NSL1: variants seen among roughly 807,000 people sequenced by gnomAD.
NSL1 encodes the protein kinetochore-associated protein NSL1 homolog.
NSL1 carries 11 observed loss-of-function variants against 25.4 expected under a neutral mutation model. The observed-to-expected ratio is 0.43, with a 90% CI of 0.27 to 0.72. NSL1 has a LOEUF of 0.72. Ranked by LOEUF, NSL1 falls within the 30% of genes least tolerant of loss-of-function variation. The pLI is 0.19. For synonymous variants in NSL1, 118 were observed against 120.6 expected, an observed-to-expected ratio of 0.98 and a Z score of 0.14; for missense variants, 330 against 342.7, an observed-to-expected ratio of 0.96 and a Z score of 0.29.
chr1:212,738,910 G>A (rs890766294), intron 5 of NSL1, among the ~76,000 whole-genome samples: 3 of 151,968 alleles, frequency 2.0e-5, no homozygotes, highest in East Asian at 3.9e-4. Flanking sequence ...CTACAGGCGC[G>A]CACCACCACA....
chr1:212,772,037 G>A (rs530968876), intron 4 of NSL1, among the ~76,000 whole-genome samples: 1 of 152,276 alleles, frequency 6.6e-6, no homozygotes, highest in East Asian at 1.9e-4. Context: ...GGTTTTATAA[G>A]GGAAAACCCC....
chr1:212,766,963 C>T (rs1018006737), intron 4 of NSL1, among the ~76,000 whole-genome samples: 3 of 152,188 alleles, frequency 2.0e-5, no homozygotes, highest in Non-Finnish European at 4.4e-5. Flanking sequence ...ATGGAAAACA[C>T]ATCCCATGTT....
intron 4 of NSL1, among the ~76,000 whole-genome samples, chr1:212,764,399 G>A (rs1172697956): frequency 2.6e-5 from 4 of 152,044 alleles, no homozygotes; most frequent in South Asian, 2.1e-4. Context: ...CCAAACCCAG[G>A]AGAAGAAGTA....
intron 4 of NSL1, among the ~76,000 whole-genome samples, chr1:212,778,961 T>C (rs1660526450): frequency 6.7e-6 from 1 of 150,318 alleles, no homozygotes; most frequent in South Asian, 2.1e-4. Flanking sequence ...GAGGAGCGCC[T>C]CTTCCCGGCC....
intron 4 of NSL1, among the ~76,000 whole-genome samples, chr1:212,741,467 G>T (rs1349048529): frequency 1.3e-5 from 2 of 152,158 alleles, no homozygotes; most frequent in Non-Finnish European, 2.9e-5. Flanking sequence ...TTCCCCCTTG[G>T]TACTGTGTTA....
chr1:212,748,060 C>G (rs973298300), intron 4 of NSL1, among the ~76,000 whole-genome samples: 1 of 152,194 alleles, frequency 6.6e-6, no homozygotes, highest in Non-Finnish European at 1.5e-5. Flanking sequence ...GCCACTGTGA[C>G]CAGCCTTACT....
chr1:212,750,738 G>A (rs1343765907), intron 4 of NSL1, among the ~76,000 whole-genome samples: 4 of 152,110 alleles, frequency 2.6e-5, no homozygotes, highest in Admixed American at 6.5e-5. Context: ...TCAGGAGTTC[G>A]AGACTAGCCT....
chr1:212,771,587 TAG>T (rs375061791), intron 4 of NSL1, among the ~76,000 whole-genome samples: 2,937 of 72,140 alleles, frequency 0.041, 50 homozygotes, highest in Middle Eastern at 0.11. Flanking sequence ...TGTTCTTACA[TAG>T]AGAAAAACCT....
At chr1:212,780,031 T>C (rs1244657770) in intron 4 of NSL1, among the ~76,000 whole-genome samples, 1 of 151,936 alleles carries the variant, frequency 6.6e-6, no homozygotes, top group African/African-American at 2.4e-5. Context: ...GAACGGGCCA[T>C]GATGACAATG....
Position 212,732,737 on chromosome 1 carries a change from T to G in NSL1, c.*5671A>C. ...TGCTTTTTTGGTTTACCCTTTGGAA[T>G]AGAGCACAGCCCCTGGTAGAACCCC... On this transcript the variant is annotated 3_prime_UTR_variant, in exon 6 of 6. Coordinates refer to ENST00000366977, the MANE Select transcript of NSL1 (RefSeq NM_015471.4). 1.3e-6 allele frequency: 1 copy of G among 783,376 alleles called. No homozygotes were observed. Among genetic ancestry groups the G allele is most frequent in the Non-Finnish European group, 1.5e-6 (1 of 645,250 alleles). The allele number at this position is 783,376 out of a possible 1,614,324, so 48.5% of individuals were successfully genotyped here.
chr1:212,740,868 A>T (rs1658472396), intron 4 of NSL1, among the ~76,000 whole-genome samples: 1 of 152,246 alleles, frequency 6.6e-6, no homozygotes, highest in African/African-American at 2.4e-5. Context: ...AATTGATGGC[A>T]TAGTGATTAC....
Position 212,735,510 on chromosome 1 carries a change from G to A in NSL1, c.*2898C>T. On this transcript the variant is annotated 3_prime_UTR_variant, in exon 6 of 6. Transcript: ENST00000366977. ...CCTCTACGGAGCCCAAGCCATAAAG[G>A]GCCAGGGAAAGAGGTCTAGGATAAG... The A allele has an allele frequency of 2.0e-6, 2 of 985,378 alleles. No individual in the cohort carries two copies. The highest frequency in any genetic ancestry group is 9.4e-5 in the South Asian group (2 of 21,282). The allele number at this position is 985,378 out of a possible 1,614,324, so 61.0% of individuals were successfully genotyped here. A position where few individuals can be genotyped will look rare whatever the true frequency, so the allele number is the denominator to read the frequency against.
intron 4 of NSL1, among the ~76,000 whole-genome samples, chr1:212,777,269 C>G (rs1419141430): frequency 4.0e-5 from 6 of 151,782 alleles, no homozygotes; most frequent in Non-Finnish European, 8.8e-5. Context: ...CCCAGCTACT[C>G]AGGAGGTTGA....
At chr1:212,779,864 C>A (rs1242039319) in intron 4 of NSL1, among the ~76,000 whole-genome samples, 1 of 141,726 alleles carries the variant, frequency 7.1e-6, no homozygotes, top group East Asian at 2.1e-4. Flanking sequence ...CCAGCCGCCC[C>A]GTCCGGGAGG....
intron 4 of NSL1, among the ~76,000 whole-genome samples, chr1:212,747,080 G>A (rs1658828915): frequency 6.6e-6 from 1 of 151,666 alleles, no homozygotes; most frequent in Non-Finnish European, 1.5e-5. Context: ...AGGAAGCGGA[G>A]GTTGCAGTGA....
rs925615866 is a variant in NSL1 at position 212,738,199 on chromosome 1, T to A, written c.*209A>T. The stretch of plus-strand genomic sequence containing the variant: ...TGATGGGCTTTGTGTCAATACTTTT[T>A]AAAATGCTTTTTATTTACAATAGAT... On this transcript the variant is annotated 3_prime_UTR_variant, in exon 6 of 6. Coordinates refer to ENST00000366977, the MANE Select transcript of NSL1 (RefSeq NM_015471.4). 4.6e-6 allele frequency: 6 copies of A among 1,305,760 alleles called. No individual in the cohort carries two copies. Among genetic ancestry groups the A allele is most frequent in the Non-Finnish European group, 4.9e-6 (5 of 1,030,542 alleles). 80.9% of individuals were successfully genotyped at this position (1,305,760 alleles called of 1,614,324 possible).
rs1002781805 is a variant in NSL1 at position 212,760,531 on chromosome 1, C to T, written c.500-20930G>A. 6.6e-6 allele frequency among the ~76,000 whole-genome samples: 1 copy of T among 152,066 alleles called. No homozygotes were observed. Among genetic ancestry groups the T allele is most frequent in the Admixed American group, 6.5e-5 (1 of 15,270 alleles). On this transcript the variant is annotated intron_variant, in intron 4 of 5. Coordinates refer to ENST00000366977, the MANE Select transcript of NSL1 (RefSeq NM_015471.4). This position sits in a 1 kb window ranked among gnomAD's most constrained non-coding sequence, Gnocchi z 4.3. Reference sequence around the variant, plus strand: ...CTCCTCCCCAGGGCTTGAGGACGGGCCTGACTAGCCTATCATCACCACCAC... The same window carrying T: ...CTCCTCCCCAGGGCTTGAGGACGGGTCTGACTAGCCTATCATCACCACCAC...
chr1:212,760,840 C>A lies in NSL1; in HGVS notation c.500-21239G>T, dbSNP rs542156040. Among the ~76,000 whole-genome samples, 7 of 152,290 alleles carry A rather than the reference C, an allele frequency of 4.6e-5. No individual in the cohort carries two copies. Among genetic ancestry groups the A allele is most frequent in the African/African-American group, 1.7e-4 (7 of 41,554 alleles). On this transcript the variant is annotated intron_variant, in intron 4 of 5. Transcript: ENST00000366977. The surrounding 1 kb of genome is among the most constrained non-coding windows in gnomAD (Gnocchi z 4.3). ...GTATCTGTGTACACTGCCAAGGGAA[C>A]CAAAAATGGATGTATTTGGCATGCC...
intron 2 of NSL1, among the ~76,000 whole-genome samples, chr1:212,786,189 T>C (rs1660937904): frequency 6.6e-6 from 1 of 152,094 alleles, no homozygotes; most frequent in Non-Finnish European, 1.5e-5. Context: ...ACAAGTGGTA[T>C]TTGGTTACAT....
Sources: allele counts gnomAD v4.1 joint callset (sites outside exome capture counted in the v4.1 genomes callset), GRCh38; gene constraint gnomAD v4.1.1; non-coding constraint Gnocchi (gnomAD v3.1); transcripts MANE v1.5; gene names NCBI Gene and HGNC (gene_info 2026-07-23, HGNC 2026-07-21).